ITCH: variants seen among roughly 807,000 people sequenced by gnomAD.
ITCH encodes E3 ubiquitin-protein ligase Itchy homolog.
Under a neutral mutation model 126.8 loss-of-function variants are expected in ITCH, and 28 were observed. The ratio of observed to expected loss-of-function variants is 0.22; its 90% CI spans 0.16 to 0.30. ITCH has a LOEUF of 0.30. Ranked by LOEUF, ITCH falls within the 10% of genes least tolerant of loss-of-function variation. The pLI, the probability that ITCH is intolerant of heterozygous loss-of-function variation, is 1.00. For missense variants in ITCH, 631 were observed against 1,032.4 expected (o/e 0.61, Z 5.33); for synonymous variants, 342 against 340.0 (o/e 1.01, Z -0.06).
intron 13 of ITCH, among the ~76,000 whole-genome samples, chr20:34,458,537 A>G (rs905377597): frequency 2.6e-5 from 4 of 152,206 alleles, no homozygotes. Context: ...CGCCTTAACA[A>G]AGTACCACAG....
At chr20:34,390,983 C>G (rs561769979) in intron 2 of ITCH, among the ~76,000 whole-genome samples, 84 of 152,178 alleles carry the variant, frequency 5.5e-4, no homozygotes, top group African/African-American at 1.8e-3. Flanking sequence ...GAACTCCTGA[C>G]CTCAGGTGAT....
At chr20:34,454,792 A>G (rs559361820) in intron 12 of ITCH, among the ~76,000 whole-genome samples, 112 of 142,068 alleles carry the variant, frequency 7.9e-4, no homozygotes, top group African/African-American at 2.7e-3. Context: ...AAAAATAGTT[A>G]CCAATTTTTC....
intron 24 of ITCH, among the ~76,000 whole-genome samples, chr20:34,506,235 TA>T (rs1190988973): frequency 2.0e-5 from 3 of 152,208 alleles, no homozygotes; most frequent in Non-Finnish European, 2.9e-5. Flanking sequence ...GGCCAATTTC[TA>T]AACTTTTTGT....
rs769428030 is a variant in ITCH at position 34,393,803 on chromosome 20, A to G, written c.-9A>G. 214 of 1,610,240 alleles carry G rather than the reference A, an allele frequency of 1.3e-4. No individual in the cohort carries two copies. Among genetic ancestry groups the G allele is most frequent in the Non-Finnish European group, 1.7e-4 (199 of 1,176,640 alleles). On this transcript the variant is annotated 5_prime_UTR_variant, in exon 3 of 25. Transcript: ENST00000374864. Reference sequence around the variant, plus strand: ...TTGCCATGTTCAGGTTTTCCAACCTATTGGTGGTATGTCTGACAGTGGATC... The same window carrying G: ...TTGCCATGTTCAGGTTTTCCAACCTGTTGGTGGTATGTCTGACAGTGGATC...
chr20:34,375,386 T>A (rs73097036), intron 2 of ITCH, among the ~76,000 whole-genome samples: 2,758 of 150,440 alleles, frequency 0.018, 47 homozygotes, highest in Non-Finnish European at 0.029. Flanking sequence ...GTATGTGAGG[T>A]TATGTATATG....
intron 24 of ITCH, 66 bp from the exon 25 acceptor site, chr20:34,507,629 A>G: frequency 1.7e-6 from 2 of 1,155,584 alleles, no homozygotes; most frequent in Non-Finnish European, 2.6e-6. Flanking sequence ...ATAAAGTAGT[A>G]TACTACACTA....
intron 4 of ITCH, among the ~76,000 whole-genome samples, chr20:34,411,489 C>T (rs1045797769): frequency 2.0e-5 from 3 of 152,086 alleles, no homozygotes; most frequent in Non-Finnish European, 2.9e-5. Flanking sequence ...ATAATATGAG[C>T]TCTCTTGAAA....
intron 20 of ITCH, among the ~76,000 whole-genome samples, chr20:34,482,497 C>A (rs1178026931): frequency 6.6e-6 from 1 of 152,190 alleles, no homozygotes; most frequent in East Asian, 1.9e-4. Context: ...AGTTTGAAAT[C>A]CAGCAGGGCA....
intron 21 of ITCH, 51 bp downstream of exon 21, chr20:34,489,437 A>C (rs974860104): frequency 1.0e-5 from 16 of 1,549,584 alleles, no homozygotes; most frequent in Non-Finnish European, 1.4e-5. Context: ...ATAATGCCTT[A>C]AGTTGTCTGC....
intron 7 of ITCH, among the ~76,000 whole-genome samples, chr20:34,433,140 A>G (rs1052031500): frequency 7.2e-5 from 11 of 151,928 alleles, no homozygotes; most frequent in Non-Finnish European, 1.0e-4. Context: ...AAATACAAAA[A>G]TTGGCCGGGC....
At chr20:34,430,081 A>G (rs1354681657) in intron 7 of ITCH, among the ~76,000 whole-genome samples, 3 of 152,228 alleles carry the variant, frequency 2.0e-5, no homozygotes, top group Admixed American at 1.3e-4. Flanking sequence ...CAGTCAATAT[A>G]TATTTATTTG....
intron 4 of ITCH, among the ~76,000 whole-genome samples, chr20:34,410,052 AAAC>A: frequency 9.6e-6 from 1 of 104,594 alleles, no homozygotes. Context: ...ACAAAAAGAC[AAAC>A]AAAAAAAAAA....
chr20:34,399,190 C>T (rs979237737), intron 3 of ITCH, among the ~76,000 whole-genome samples: 17 of 151,848 alleles, frequency 1.1e-4, no homozygotes, highest in Admixed American at 1.1e-3. Context: ...GTTGGGAGTT[C>T]GAGACCAGCC....
chr20:34,452,062 C>G (rs56280801), intron 12 of ITCH, among the ~76,000 whole-genome samples: 22,678 of 143,746 alleles, frequency 0.16, 1,989 homozygotes, highest in South Asian at 0.34. Context: ...AGAGTGAGAC[C>G]CTGTCTCAAA....
At chr20:34,447,221 C>G (rs1984573526) in intron 11 of ITCH, among the ~76,000 whole-genome samples, 1 of 151,536 alleles carries the variant, frequency 6.6e-6, no homozygotes, top group Non-Finnish European at 1.5e-5. Flanking sequence ...CATCCTGTCC[C>G]CCCGCCCAAT....
intron 16 of ITCH, chr20:34,476,431 G>T (rs532966984): frequency 3.3e-6 from 4 of 1,226,506 alleles, no homozygotes; most frequent in Non-Finnish European, 4.1e-6. Context: ...GCCGAGGACC[G>T]CAGAAGCGGC....
At position 34,445,471 on chromosome 20, in the gene ITCH, C is replaced by T. The variant is rs1298996866; in HGVS notation, c.1140+10C>T. 2 of 1,613,048 alleles carry T rather than the reference C, an allele frequency of 1.2e-6. No individual in the cohort carries two copies. On this transcript the variant is annotated intron_variant, in intron 11 of 24. Coordinates refer to ENST00000374864, the MANE Select transcript of ITCH (RefSeq NM_031483.7). ...GAGATTCATTTATGGGGTGAGCAGC[C>T]TGTTGTTTAATAAACTAATAAGAGT...
chr20:34,507,263 GTTTTTTTTTTTTT>G (rs776161631), intron 24 of ITCH, among the ~76,000 whole-genome samples: 1 of 39,162 alleles, frequency 2.6e-5, no homozygotes, highest in Admixed American at 2.4e-4. Flanking sequence ...GTTTTCTTCT[GTTTTTTTTTTTTT>G]TTTTTTTTTT....
intron 1 of ITCH, among the ~76,000 whole-genome samples, chr20:34,367,213 G>A (rs564008201): frequency 5.9e-4 from 90 of 152,094 alleles, no homozygotes; most frequent in African/African-American, 2.0e-3. Context: ...AGTCTTGCTC[G>A]GCCATGCAGG....
Sources: allele counts gnomAD v4.1 joint callset (sites outside exome capture counted in the v4.1 genomes callset), GRCh38; gene constraint gnomAD v4.1.1; transcripts MANE v1.5; gene names NCBI Gene and HGNC (gene_info 2026-07-23, HGNC 2026-07-21).